The following TCF7L2 variants were observed in gnomAD, a reference collection of about 807,000 sequenced individuals.
The protein encoded by TCF7L2 is transcription factor 7 like 2.
TCF7L2 carries 23 observed loss-of-function variants against 77.9 expected under a neutral mutation model. That is an observed-to-expected ratio of 0.30 (90% CI 0.21 to 0.42). The LOEUF is 0.42. Ranked by LOEUF, TCF7L2 falls within the 10% of genes least tolerant of loss-of-function variation. The pLI, the probability that TCF7L2 is intolerant of heterozygous loss-of-function variation, is 1.00. For synonymous variants in TCF7L2, 413 were observed against 340.2 expected (o/e 1.21, Z -2.36); for missense variants, 654 against 793.1 (o/e 0.82, Z 2.11).
chr10:113,061,544 G>A (rs951278994), intron 5 of TCF7L2, among the ~76,000 whole-genome samples: 1 of 152,116 alleles, frequency 6.6e-6, no homozygotes. Context: ...AGTAATTGTC[G>A]CAGGTATTAG....
chr10:113,021,208 T>C (rs1012751995), intron 4 of TCF7L2, among the ~76,000 whole-genome samples: 2 of 152,242 alleles, frequency 1.3e-5, no homozygotes, highest in Non-Finnish European at 2.9e-5. Flanking sequence ...TTGCCTGAGC[T>C]CTTTTCCAGC....
chr10:113,112,173 G>A (rs1007135517), intron 5 of TCF7L2, among the ~76,000 whole-genome samples: 5 of 152,230 alleles, frequency 3.3e-5, no homozygotes, highest in South Asian at 4.1e-4. Context: ...GCCAATAGGC[G>A]TTGCTATGGT....
chr10:112,972,550 G>A (rs2038502172), intron 4 of TCF7L2, among the ~76,000 whole-genome samples: 1 of 152,126 alleles, frequency 6.6e-6, no homozygotes, highest in Non-Finnish European at 1.5e-5. Context: ...GCTCACTGCA[G>A]CCTCGACCTC....
intron 4 of TCF7L2, among the ~76,000 whole-genome samples, chr10:113,034,573 G>A (rs1235814120): frequency 1.3e-5 from 2 of 152,150 alleles, no homozygotes; most frequent in African/African-American, 4.8e-5. Flanking sequence ...ATTTAACAGC[G>A]GAAAGCCATC....
intron 5 of TCF7L2, chr10:113,125,782 A>G (rs955176495): frequency 7.1e-6 from 1 of 140,218 alleles, no homozygotes; most frequent in Non-Finnish European, 1.6e-5. Context: ...AAAGCTAGGT[A>G]CCACAAACAA....
At chr10:113,112,187 G>A (rs1426514962) in intron 5 of TCF7L2, among the ~76,000 whole-genome samples, 1 of 152,242 alleles carries the variant, frequency 6.6e-6, no homozygotes, top group African/African-American at 2.4e-5. Context: ...CTATGGTGGA[G>A]GCATGACATA....
At chr10:113,089,450 C>G in intron 5 of TCF7L2, 4 of 1,613,874 alleles carry the variant, frequency 2.5e-6, no homozygotes, top group African/African-American at 1.3e-5. Context: ...ACTTCTACCC[C>G]CCCTCAGACT....
chr10:112,970,177 T>TGC (rs1316645812), intron 4 of TCF7L2, among the ~76,000 whole-genome samples: 1 of 151,950 alleles, frequency 6.6e-6, no homozygotes, highest in Non-Finnish European at 1.5e-5. Flanking sequence ...TGTGTGTGTG[T>TGC]GTGTGTGTGC....
At chr10:113,147,904 C>T (rs1227689652) in intron 8 of TCF7L2, among the ~76,000 whole-genome samples, 1 of 152,000 alleles carries the variant, frequency 6.6e-6, no homozygotes. Flanking sequence ...AAGGTTAGGG[C>T]CTCAAGGTGC....
At chr10:113,033,241 C>CTT (rs2050563864) in intron 4 of TCF7L2, among the ~76,000 whole-genome samples, 1 of 150,214 alleles carries the variant, frequency 6.7e-6, no homozygotes, top group African/African-American at 2.5e-5. Flanking sequence ...CTCTCTCTCT[C>CTT]GTTTCCTTTT....
intron 5 of TCF7L2, among the ~76,000 whole-genome samples, chr10:113,108,588 T>C (rs921696647): frequency 1.3e-5 from 2 of 152,246 alleles, no homozygotes; most frequent in South Asian, 4.1e-4. Context: ...TAGGTTTGCA[T>C]TATCCCTGAG....
intron 8 of TCF7L2, among the ~76,000 whole-genome samples, chr10:113,146,849 A>G (rs1245584203): frequency 6.6e-6 from 1 of 152,120 alleles, no homozygotes; most frequent in East Asian, 1.9e-4. Flanking sequence ...CAATAGCCAC[A>G]CGTGGCTGGT....
intron 4 of TCF7L2, 115 bp downstream of exon 4, chr10:112,964,739 A>ATGATGGTGGTGGTGG (rs1227924366): frequency 3.5e-6 from 2 of 575,334 alleles, no homozygotes; most frequent in African/African-American, 5.1e-5. Flanking sequence ...GATGATGATG[A>ATGATGGTGGTGGTGG]TGGTGGTGGT....
chr10:113,163,140 A>G (rs1176220127), intron 13 of TCF7L2, among the ~76,000 whole-genome samples: 2 of 152,062 alleles, frequency 1.3e-5, no homozygotes, highest in Non-Finnish European at 2.9e-5. Context: ...CTGTCGCCAT[A>G]GTCTTCATGT....
At chr10:113,110,912 G>A (rs1265153472) in intron 5 of TCF7L2, among the ~76,000 whole-genome samples, 1 of 151,978 alleles carries the variant, frequency 6.6e-6, no homozygotes, top group East Asian at 1.9e-4. Flanking sequence ...AGTTTAGATT[G>A]GTATGAAAAA....
chr10:113,112,915 C>T (rs1001896998), intron 5 of TCF7L2, among the ~76,000 whole-genome samples: 15 of 152,122 alleles, frequency 9.9e-5, no homozygotes, highest in African/African-American at 3.6e-4. Context: ...AAGGCTTTTC[C>T]CTGATTATGC....
intron 4 of TCF7L2, among the ~76,000 whole-genome samples, chr10:113,016,414 G>A (rs886104597): frequency 1.2e-4 from 18 of 152,184 alleles, no homozygotes; most frequent in Non-Finnish European, 2.1e-4. Context: ...TGGGGAATCA[G>A]CTTGCTTCCT....
At chr10:113,115,373 T>C (rs1233001564) in intron 5 of TCF7L2, among the ~76,000 whole-genome samples, 1 of 152,248 alleles carries the variant, frequency 6.6e-6, no homozygotes, top group Admixed American at 6.5e-5. Flanking sequence ...TCTTTTCACA[T>C]CCTTGAGGTA....
chr10:113,030,173 A>G (rs1269410631), intron 4 of TCF7L2, among the ~76,000 whole-genome samples: 1 of 152,230 alleles, frequency 6.6e-6, no homozygotes, highest in Non-Finnish European at 1.5e-5. Flanking sequence ...ATCATACACC[A>G]TGAAACTTTC....
Sources: allele counts gnomAD v4.1 joint callset (sites outside exome capture counted in the v4.1 genomes callset), GRCh38; gene constraint gnomAD v4.1.1; transcripts MANE v1.5; gene names NCBI Gene and HGNC (gene_info 2026-07-23, HGNC 2026-07-21).